The following FAM110B variants were observed in gnomAD, a reference collection of about 807,000 sequenced individuals.
FAM110B encodes the protein protein FAM110B.
In FAM110B, 6 loss-of-function variants were observed where a neutral mutation model predicts 20.4. That is an observed-to-expected ratio of 0.29 (90% CI 0.16 to 0.58). The LOEUF (loss-of-function observed/expected upper bound fraction) is 0.58, where lower values mean the gene tolerates loss of function less well. Among genes scored for constraint, FAM110B ranks in the 20% least tolerant of loss-of-function variants. The pLI is 0.90. For synonymous variants in FAM110B, 226 were observed against 214.1 expected (o/e 1.06, Z -0.49); for missense variants, 434 against 498.2 (o/e 0.87, Z 1.23).
chr8:58,019,493 C>T (rs1167538920), intron 1 of FAM110B, among the ~76,000 whole-genome samples: 3 of 151,892 alleles, frequency 2.0e-5, no homozygotes, highest in Admixed American at 2.0e-4. Flanking sequence ...GTATTATTTC[C>T]CTTCAGCCTG....
At chr8:58,102,982 T>C (rs899336479) in intron 3 of FAM110B, among the ~76,000 whole-genome samples, 3 of 132,230 alleles carry the variant, frequency 2.3e-5, no homozygotes, top group African/African-American at 8.3e-5. Flanking sequence ...AGCAGTATTA[T>C]ATAGTACAAT....
At chr8:58,140,074 T>A (rs1803706865) in intron 3 of FAM110B, among the ~76,000 whole-genome samples, 1 of 152,098 alleles carries the variant, frequency 6.6e-6, no homozygotes, top group South Asian at 2.1e-4. Context: ...TAGTTGTAGT[T>A]CTGTTTGGCT....
intron 1 of FAM110B, among the ~76,000 whole-genome samples, chr8:58,023,471 A>C (rs1174735720): frequency 6.6e-6 from 1 of 152,158 alleles, no homozygotes; most frequent in Non-Finnish European, 1.5e-5. Flanking sequence ...AAAAGTAAAT[A>C]TTTTTCAATA....
rs147690014 is a variant in FAM110B, at chr8:58,052,493, C to T, written c.-414+20790C>T. ...ATATTTATTGAACCAGGCACTGTTC[C>T]GCAGACTGGGGATATAGCAGGAAAC... On this transcript the variant is annotated intron_variant, in intron 2 of 3. Coordinates refer to ENST00000519262, the MANE Select transcript of FAM110B (RefSeq NM_001377989.1). 5.7e-3 allele frequency among the ~76,000 whole-genome samples: 863 copies of T among 152,050 alleles called. 5 individuals are homozygous for T. The highest frequency in any genetic ancestry group is 0.02 in the South Asian group (97 of 4,810).
At chr8:58,053,832 G>C (rs1034792266) in intron 2 of FAM110B, among the ~76,000 whole-genome samples, 2 of 152,114 alleles carry the variant, frequency 1.3e-5, no homozygotes, top group African/African-American at 4.8e-5. Context: ...TTGGTATACT[G>C]TATTATGTAT....
At chr8:58,019,538 C>G (rs1392825507) in intron 1 of FAM110B, among the ~76,000 whole-genome samples, 1 of 151,996 alleles carries the variant, frequency 6.6e-6, no homozygotes, top group Non-Finnish European at 1.5e-5. Flanking sequence ...TAGGGTAGGT[C>G]TGCTGGTGAT....
chr8:58,119,099 A>G (rs1807289098), intron 3 of FAM110B, among the ~76,000 whole-genome samples: 1 of 152,208 alleles, frequency 6.6e-6, no homozygotes, highest in Non-Finnish European at 1.5e-5. Flanking sequence ...TCCAGAATGG[A>G]GCCAACCCAA....
intron 1 of FAM110B, among the ~76,000 whole-genome samples, chr8:58,030,933 G>A (rs1444335115): frequency 1.3e-5 from 2 of 152,068 alleles, no homozygotes; most frequent in Admixed American, 6.5e-5. Context: ...AGGAGTCTCC[G>A]TTTCTTTCCC....
chr8:58,037,228 C>T (rs1371102630), intron 2 of FAM110B, among the ~76,000 whole-genome samples: 1 of 151,912 alleles, frequency 6.6e-6, no homozygotes, highest in Non-Finnish European at 1.5e-5. Context: ...TTTTTAAAAA[C>T]AGTACTTTTA....
intron 3 of FAM110B, among the ~76,000 whole-genome samples, chr8:58,137,794 T>G (rs554354170): frequency 3.3e-5 from 5 of 152,340 alleles, no homozygotes; most frequent in African/African-American, 9.6e-5. Flanking sequence ...GAATTCTCAT[T>G]TCTTTGCCTG....
At chr8:58,087,629 ATGAAT>A (rs892220807) in intron 3 of FAM110B, among the ~76,000 whole-genome samples, 2 of 152,150 alleles carry the variant, frequency 1.3e-5, no homozygotes, top group African/African-American at 4.8e-5. Flanking sequence ...GGCAGAATGA[ATGAAT>A]TGAACTCCAG....
At position 58,034,360 on chromosome 8, in the gene FAM110B, C is replaced by T. The variant is rs777620931; in HGVS notation, c.-414+2657C>T. On this transcript the variant is annotated intron_variant, in intron 2 of 3. Transcript: ENST00000519262. ...GGAGTGTCCCAGCTGGATTTATCAG[C>T]TGACTTATGGGTCGGAAGGTCTGGC... Among the ~76,000 whole-genome samples the T allele has an allele frequency of 2.6e-5, 4 of 152,340 alleles. No homozygotes were observed. In the South Asian group the frequency reaches 6.2e-4, roughly 24 times the overall value.
intron 3 of FAM110B, among the ~76,000 whole-genome samples, chr8:58,123,128 C>A (rs1807405286): frequency 6.6e-6 from 1 of 152,196 alleles, no homozygotes; most frequent in Admixed American, 6.5e-5. Context: ...CTCCTGCTAT[C>A]AAACTGCTCC....
intron 3 of FAM110B, among the ~76,000 whole-genome samples, chr8:58,130,954 A>G (rs1395371713): frequency 3.9e-5 from 6 of 152,140 alleles, no homozygotes; most frequent in Non-Finnish European, 1.5e-5. Flanking sequence ...CCACAACAGT[A>G]TCACTGTCTT....
chr8:58,072,707 G>C (rs557926710), intron 2 of FAM110B, among the ~76,000 whole-genome samples: 4 of 152,246 alleles, frequency 2.6e-5, no homozygotes, highest in African/African-American at 9.6e-5. Context: ...AGGTCTATCA[G>C]CATAAACATA....
chr8:58,125,355 T>C (rs1165508013), intron 3 of FAM110B, among the ~76,000 whole-genome samples: 1 of 152,156 alleles, frequency 6.6e-6, no homozygotes, highest in Non-Finnish European at 1.5e-5. Flanking sequence ...AAGAAAGTTA[T>C]TGAGAAACTC....
chr8:58,089,436 A>G (rs1806419053), intron 3 of FAM110B, among the ~76,000 whole-genome samples: 2 of 152,192 alleles, frequency 1.3e-5, no homozygotes, highest in Admixed American at 1.3e-4. Flanking sequence ...TTCCACAAAA[A>G]GATGTAATAG....
intron 2 of FAM110B, among the ~76,000 whole-genome samples, chr8:58,048,767 G>A (rs968057613): frequency 3.3e-5 from 5 of 152,166 alleles, no homozygotes; most frequent in African/African-American, 1.2e-4. Flanking sequence ...ACTCTGTTTT[G>A]CATTCCTGAC....
chr8:58,024,857 T>TTA, intron 1 of FAM110B, among the ~76,000 whole-genome samples: 1 of 152,302 alleles, frequency 6.6e-6, no homozygotes, highest in Admixed American at 6.5e-5. Flanking sequence ...AAAGAGAGTA[T>TTA]ATTAGCTAAT....
Sources: allele counts gnomAD v4.1 joint callset (sites outside exome capture counted in the v4.1 genomes callset), GRCh38; gene constraint gnomAD v4.1.1; transcripts MANE v1.5; gene names NCBI Gene and HGNC (gene_info 2026-07-23, HGNC 2026-07-21).